Variants in APBB2 observed in about 807,000 individuals in gnomAD.
APBB2 encodes the protein Fe65-like 1.
In APBB2, 38 loss-of-function variants were observed where a neutral mutation model predicts 82.5. The ratio of observed to expected loss-of-function variants is 0.46; its 90% CI spans 0.36 to 0.60. APBB2 has a LOEUF of 0.60. Among genes scored for constraint, APBB2 ranks in the 20% least tolerant of loss-of-function variants. The pLI is 0.00. For missense variants in APBB2, 772 were observed against 972.3 expected (o/e 0.79, Z 2.74); for synonymous variants, 341 against 368.2 (o/e 0.93, Z 0.85).
At chr4:40,910,900 C>A (rs1324723086) in intron 10 of APBB2, among the ~76,000 whole-genome samples, 1 of 152,246 alleles carries the variant, frequency 6.6e-6, no homozygotes, top group Non-Finnish European at 1.5e-5. Context: ...GGGCTGTGAA[C>A]CCTGGCAACC....
rs143800084 is a variant in APBB2, at chr4:40,920,119, G to A, written c.1254+14337C>T. On this transcript the variant is annotated intron_variant, in intron 10 of 17. Transcript: ENST00000508593. ...GAATTGTAGCTCCTATAATTCCCAC[G>A]TATCATGGGAGGGACATGGTGGGAG... is the stretch of plus-strand genomic sequence containing the variant. Among the ~76,000 whole-genome samples, 340 of 152,192 alleles carry A rather than the reference G, an allele frequency of 2.2e-3. 2 individuals carry two copies. Among genetic ancestry groups the A allele is most frequent in the Middle Eastern group, 0.014 (4 of 294 alleles).
intron 3 of APBB2, among the ~76,000 whole-genome samples, chr4:41,088,913 T>A (rs985160010): frequency 8.2e-4 from 125 of 152,148 alleles, no homozygotes; most frequent in African/African-American, 2.9e-3. Flanking sequence ...AAAATGGGAA[T>A]CTTTGAGACA....
At chr4:41,172,325 C>A (rs549657535) in intron 1 of APBB2, among the ~76,000 whole-genome samples, 50 of 151,970 alleles carry the variant, frequency 3.3e-4, no homozygotes, top group African/African-American at 9.7e-4. Flanking sequence ...CACCCCCATC[C>A]GCCAGCCCCC....
rs952629258 is a variant in APBB2, at chr4:40,936,786, T to C, written c.1045-1647A>G. On this transcript the variant is annotated intron_variant, in intron 7 of 17. Transcript: ENST00000508593. ...GTTGCCCAATCCCTTACCTTTCCCC[T>C]CACTCTACCCCCAGAAGCAGTGTTC... Among the ~76,000 whole-genome samples the C allele has an allele frequency of 2.0e-5, 3 of 152,178 alleles. 1 individual carries two copies. In the South Asian group the frequency reaches 6.2e-4, roughly 32 times the overall value.
intron 1 of APBB2, among the ~76,000 whole-genome samples, chr4:41,214,062 C>T (rs1020179754): frequency 5.9e-5 from 9 of 152,244 alleles, no homozygotes; most frequent in Non-Finnish European, 8.8e-5. Flanking sequence ...CCCTGCCAAG[C>T]CGGGGCTGCT....
intron 3 of APBB2, among the ~76,000 whole-genome samples, chr4:41,076,222 T>C (rs533277916): frequency 3.3e-5 from 5 of 152,222 alleles, no homozygotes; most frequent in Admixed American, 6.5e-5. Flanking sequence ...GCAAAGAACT[T>C]GAGGAAAGTG....
At chr4:40,952,162 G>A (rs1355723398) in intron 6 of APBB2, among the ~76,000 whole-genome samples, 2 of 148,650 alleles carry the variant, frequency 1.3e-5, no homozygotes, top group Non-Finnish European at 1.5e-5. Flanking sequence ...TTCCAGCCTG[G>A]GTGACAGAGC....
At chr4:40,890,831 C>G (rs1242663031) in intron 11 of APBB2, 1 of 186,070 alleles carries the variant, frequency 5.4e-6, no homozygotes, top group Non-Finnish European at 1.1e-5. Flanking sequence ...AATTCCATGC[C>G]CATCAAACTC....
At chr4:41,114,899 A>G (rs1750466669) in intron 2 of APBB2, among the ~76,000 whole-genome samples, 2 of 152,232 alleles carry the variant, frequency 1.3e-5, no homozygotes, top group South Asian at 4.1e-4. Context: ...CATACTGCCC[A>G]AAGTAATTTA....
At chr4:40,853,029 T>C (rs923832484) in intron 12 of APBB2, among the ~76,000 whole-genome samples, 2 of 152,180 alleles carry the variant, frequency 1.3e-5, no homozygotes, top group Non-Finnish European at 2.9e-5. Flanking sequence ...ATTACTTCTA[T>C]TAGCATGTAT....
intron 6 of APBB2, among the ~76,000 whole-genome samples, chr4:40,968,362 G>C (rs1795163330): frequency 6.6e-6 from 1 of 152,078 alleles, no homozygotes; most frequent in Non-Finnish European, 1.5e-5. Context: ...CTCCTTAACA[G>C]TGCCTCAGTC....
At chr4:41,078,111 T>C (rs1197942679) in intron 3 of APBB2, among the ~76,000 whole-genome samples, 6 of 152,240 alleles carry the variant, frequency 3.9e-5, no homozygotes, top group Non-Finnish European at 7.3e-5. Context: ...ATAACTATCT[T>C]AGAGAGTACA....
At chr4:41,210,714 C>A (rs2154082382) in intron 1 of APBB2, among the ~76,000 whole-genome samples, 1 of 152,296 alleles carries the variant, frequency 6.6e-6, no homozygotes, top group East Asian at 1.9e-4. Flanking sequence ...TGAAGATATG[C>A]AGTTCCAATC....
At chr4:40,839,849 G>A (rs762781197) in intron 12 of APBB2, among the ~76,000 whole-genome samples, 16 of 152,146 alleles carry the variant, frequency 1.1e-4, no homozygotes, top group Non-Finnish European at 1.9e-4. Context: ...ATTTTTAGTA[G>A]AGACGGGGCT....
intron 6 of APBB2, among the ~76,000 whole-genome samples, chr4:40,978,973 T>C (rs1797848815): frequency 3.3e-5 from 5 of 152,102 alleles, no homozygotes; most frequent in Admixed American, 2.6e-4. Context: ...AAAGTAATGA[T>C]AGAAAAGGCC....
chr4:41,022,896 A>G (rs1272459508), intron 5 of APBB2, among the ~76,000 whole-genome samples: 1 of 152,330 alleles, frequency 6.6e-6, no homozygotes, highest in East Asian at 1.9e-4. Flanking sequence ...TTTCCTTGAA[A>G]AAAAGGAAAG....
chr4:40,881,528 C>CTTTTA, intron 12 of APBB2: 3 of 144,786 alleles, frequency 2.1e-5, no homozygotes, highest in South Asian at 3.2e-4. Context: ...CTTTTCTTTT[C>CTTTTA]TTTTTCTTTT....
chr4:41,125,389 G>C (rs1247732975), intron 2 of APBB2, among the ~76,000 whole-genome samples: 1 of 152,142 alleles, frequency 6.6e-6, no homozygotes. Flanking sequence ...ATACAAAATA[G>C]AGAATGAGAG....
Position 40,813,212 on chromosome 4 carries a change from T to G in APBB2, c.*2880A>C, listed in dbSNP as rs1744771245. 6.6e-6 allele frequency: 1 copy of G among 152,232 alleles called. No individual in the cohort carries two copies. Among genetic ancestry groups the G allele is most frequent in the Non-Finnish European group, 1.5e-5 (1 of 68,038 alleles). 9.4% of individuals were successfully genotyped at this position (152,232 alleles called of 1,614,324 possible). On this transcript the variant is annotated 3_prime_UTR_variant, in exon 18 of 18. Coordinates refer to ENST00000508593, the MANE Select transcript of APBB2 (RefSeq NM_004307.2). ...GCAATGTATAGTTCACTGAGATTAC[T>G]TAGATCTGGATACACTGGGAGATAA... is the stretch of plus-strand genomic sequence containing the variant.
Sources: gnomAD v4.1 joint callset for allele counts (sites outside exome capture counted in the v4.1 genomes callset) on GRCh38, gnomAD v4.1.1 for gene constraint, MANE v1.5 for transcripts, NCBI Gene and HGNC (gene_info 2026-07-23, HGNC 2026-07-21) for gene names.